Variants in SIGLEC10 observed in about 807,000 individuals in gnomAD.
SIGLEC10 encodes sialic acid-binding Ig-like lectin 10.
In SIGLEC10, 45 loss-of-function variants were observed where a neutral mutation model predicts 68.3. That is an observed-to-expected ratio of 0.66 (90% confidence interval 0.52 to 0.84). The LOEUF is 0.84. Ranked by LOEUF, SIGLEC10 falls within the 40% of genes least tolerant of loss-of-function variation. SIGLEC10 has a pLI of 0.00. For synonymous variants in SIGLEC10, 379 were observed against 370.8 expected, an observed-to-expected ratio of 1.02 and a Z score of -0.26; for missense variants, 789 against 883.1, an observed-to-expected ratio of 0.89 and a Z score of 1.35.
intron 3 of SIGLEC10, 52 bp from the exon 4 acceptor site, chr19:51,416,409 C>G: frequency 1.2e-6 from 2 of 1,613,732 alleles, no homozygotes; most frequent in Non-Finnish European, 8.5e-7. Flanking sequence ...ATTCCTCACA[C>G]CTGGAAAAAA....
chr19:51,415,840 AG>A (rs1988565455), intron 5 of SIGLEC10, 57 bp downstream of exon 5: 1 of 1,607,356 alleles, frequency 6.2e-7, no homozygotes, highest in African/African-American at 1.3e-5. Context: ...CCCTGAGCCC[AG>A]CCCCTGTATC....
rs369525312 is a variant in SIGLEC10, at chr19:51,416,233, G to A, written c.755-66C>T. 7.5e-4 allele frequency: 1,211 copies of A among 1,612,094 alleles called. 3 individuals are homozygous for A. In the Middle Eastern group the frequency reaches 9.1e-3, roughly 12 times the overall value. On this transcript the variant is annotated intron_variant, in intron 4 of 10. Transcript: ENST00000339313. ...AGAAAGAGAGAAGGGGTACAGGGAGGAGCACATCCCCTCATCCCCTGAAGC... is the reference window on the plus strand; with the variant it reads ...AGAAAGAGAGAAGGGGTACAGGGAGAAGCACATCCCCTCATCCCCTGAAGC...
In SIGLEC10 at chr19:51,414,111, A is replaced by C. The variant is rs60673310; in HGVS notation, c.1710-288T>G. On this transcript the variant is annotated intron_variant, in intron 9 of 10. Coordinates refer to ENST00000339313, the MANE Select transcript of SIGLEC10 (RefSeq NM_033130.5). This position sits in a 1 kb window ranked among gnomAD's most constrained non-coding sequence, Gnocchi z 4.1. The stretch of plus-strand genomic sequence containing the variant: ...TGTATTTATTGGGTAGAAAGAGCAG[A>C]GAGCAGGAGGTAACAATTGGTCAGC... 7.2e-5 allele frequency among the ~76,000 whole-genome samples: 11 copies of C among 152,122 alleles called. No homozygotes were observed. Among genetic ancestry groups the C allele is most frequent in the African/African-American group, 2.7e-4 (11 of 41,368 alleles).
Position 51,411,316 on chromosome 19 carries a change from G to C in SIGLEC10, c.1877C>G (p.Pro626Arg). ...TPNSPRTPLPPGAPSPESKKN... is the reference protein window; with the variant it reads ...TPNSPRTPLPRGAPSPESKKN... ...CTTTGATTCTGGGGAGGGAGCACCT[G>C]GTGGAAGAGGGGTCCGAGGACTGTT... The change falls in exon 11 of 11, where the codon CCA becomes CGA. Residue 626 changes from proline (P) to arginine (R), a missense_variant. Coordinates refer to ENST00000339313, the MANE Select transcript of SIGLEC10 (RefSeq NM_033130.5). The C allele has an allele frequency of 6.2e-7, 1 of 1,614,166 alleles. No homozygotes were observed. Among genetic ancestry groups the C allele is most frequent in the South Asian group, 1.1e-5 (1 of 91,082 alleles).
rs537109799 is a variant in SIGLEC10, at chr19:51,414,880, C to T, written c.1559G>A (p.Arg520His). ...HGGLSSGLRL[R>H]CEAWNVHGAQ... is the part of the protein sequence containing the mutation. ...CCCATGGACGTTCCAGGCCTCACAG[C>T]GGAGCCTGAGGCCGGAGCTGAGCCC... The change falls in exon 8 of 11, where the codon CGC becomes CAC. Residue 520 changes from arginine (R) to histidine (H), a missense_variant. Transcript: ENST00000339313. This position sits in a 1 kb window ranked among gnomAD's most constrained non-coding sequence, Gnocchi z 4.1. 8 of 1,614,114 alleles carry T rather than the reference C, an allele frequency of 5.0e-6. No homozygotes were observed. The highest frequency in any genetic ancestry group is 4.4e-5 in the South Asian group (4 of 91,080).
In SIGLEC10 at chr19:51,415,964, G is replaced by A. The variant is rs755613587; in HGVS notation, c.958C>T (p.Arg320Cys). ...CTGTTCTCCGCTCGGCAGGTGTAGCGCCCTGAATCCCCAGCCTTCACCCCG... is the reference window on the plus strand; with the variant it reads ...CTGTTCTCCGCTCGGCAGGTGTAGCACCCTGAATCCCCAGCCTTCACCCCG... ...LPGVKAGDSG[R>C]YTCRAENRLG... is the part of the protein sequence containing the mutation. Residue 320 changes from arginine to cysteine, a missense_variant, in exon 5 of 11, where the codon CGC (arginine) becomes TGC (cysteine). Arg to Cys is a radical substitution (Grantham distance 180). Coordinates refer to ENST00000339313, the MANE Select transcript of SIGLEC10 (RefSeq NM_033130.5). The A allele has an allele frequency of 1.7e-5, 28 of 1,613,600 alleles. No homozygotes were observed. The highest frequency in any genetic ancestry group is 2.2e-5 in the Non-Finnish European group (26 of 1,179,978).
At chr19:51,416,568 G>C in intron 3 of SIGLEC10, 98 bp downstream of exon 3, 1 of 1,582,742 alleles carries the variant, frequency 6.3e-7, no homozygotes, top group Non-Finnish European at 8.6e-7. Context: ...CTCCCTGGAT[G>C]CTCCTGAGCT....
At position 51,411,195 on chromosome 19, in the gene SIGLEC10, A is replaced by G. The variant is rs1987971272; in HGVS notation, c.1998T>C (p.His666=). The change falls in exon 11 of 11, where the codon CAT becomes CAC. Residue 666 remains histidine (H), a synonymous_variant. Coordinates refer to ENST00000339313, the MANE Select transcript of SIGLEC10 (RefSeq NM_033130.5). The part of the protein sequence containing the change: ...PESQESQEEL[H]YATLNFPGVR... ...CGCCTGGGAAGTTGAGCGTGGCATA[A>G]TGGAGCTCCTCTTGGCTCTCCTGGG... 1 of 1,614,180 alleles carries G rather than the reference A, an allele frequency of 6.2e-7. No individual in the cohort carries two copies. Among genetic ancestry groups the G allele is most frequent in the African/African-American group, 1.3e-5 (1 of 75,044 alleles).
chr19:51,417,446 C>A lies in SIGLEC10; in HGVS notation c.57G>T (p.Gly19=), dbSNP rs770856967. Reference sequence around the variant, plus strand: ...ACTCCTGCACTCGTATCCAGAATCTCCCATCCATAGCCTGGGACCCTGTGG... The same window carrying A: ...ACTCCTGCACTCGTATCCAGAATCTACCATCCATAGCCTGGGACCCTGTGG... ...SLLGGSQAMD[G]RFWIRVQESV... The change falls in exon 2 of 11, where the codon GGG becomes GGT. Residue 19 remains glycine, a synonymous_variant. Coordinates refer to ENST00000339313, the MANE Select transcript of SIGLEC10 (RefSeq NM_033130.5). The A allele has an allele frequency of 6.2e-7, 1 of 1,613,692 alleles. No individual in the cohort carries two copies. The highest frequency in any genetic ancestry group is 1.3e-5 in the African/African-American group (1 of 74,944).
At position 51,411,257 on chromosome 19, in the gene SIGLEC10, A is replaced by G. The variant is rs764903482; in HGVS notation, c.1936T>C (p.Phe646Leu). 2 of 1,614,156 alleles carry G rather than the reference A, an allele frequency of 1.2e-6. No homozygotes were observed. Among genetic ancestry groups the G allele is most frequent in the East Asian group, 4.5e-5 (2 of 44,864 alleles). ...TGAGTGGATGATTTGGGTTCTGGGAAACTGGGCAACTGATACTGCTTTTTC... is the reference window on the plus strand; with the variant it reads ...TGAGTGGATGATTTGGGTTCTGGGAGACTGGGCAACTGATACTGCTTTTTC... The part of the protein sequence containing the change: ...NQKKQYQLPS[F>L]PEPKSSTQAP... The change falls in exon 11 of 11, where the codon TTC becomes CTC. Residue 646 changes from phenylalanine (F) to leucine (L), a missense_variant. Coordinates refer to ENST00000339313, the MANE Select transcript of SIGLEC10 (RefSeq NM_033130.5).
At chr19:51,416,378 G>C (rs1988657091) in intron 3 of SIGLEC10, 21 bp from the exon 4 acceptor site, 1 of 1,614,128 alleles carries the variant, frequency 6.2e-7, no homozygotes, top group East Asian at 2.2e-5. Flanking sequence ...ATTGTGAGCT[G>C]GCTTCAGGGA....
Position 51,414,411 on chromosome 19 carries a change from T to C in SIGLEC10, c.1709+11A>G. On this transcript the variant is annotated intron_variant, in intron 9 of 10. Coordinates refer to ENST00000339313, the MANE Select transcript of SIGLEC10 (RefSeq NM_033130.5). The surrounding 1 kb of genome is among the most constrained non-coding windows in gnomAD (Gnocchi z 4.1). The stretch of plus-strand genomic sequence containing the variant: ...AGGCCCCAGACCCCGCCACGCCTCC[T>C]CTTAACCTACATGATCAGGGCCAGG... 2 of 1,611,726 alleles carry C rather than the reference T, an allele frequency of 1.2e-6. No homozygotes were observed. The highest frequency in any genetic ancestry group is 1.7e-6 in the Non-Finnish European group (2 of 1,179,042).
At position 51,415,233 on chromosome 19, in the gene SIGLEC10, G is replaced by A. The variant is rs536361935; in HGVS notation, c.1278C>T (p.His426=). 9.3e-6 allele frequency: 15 copies of A among 1,613,736 alleles called. No homozygotes were observed. Among genetic ancestry groups the A allele is most frequent in the South Asian group, 4.4e-5 (4 of 91,054 alleles). The change falls in exon 7 of 11, where the codon CAC becomes CAT. Residue 426 remains histidine (H), a synonymous_variant. Coordinates refer to ENST00000339313, the MANE Select transcript of SIGLEC10 (RefSeq NM_033130.5). ...GCTGGGAGCCCAGTGGGTGCCGAGC[G>A]TGGCAGGTGAACTCTCCTTCGTGCT... ...QVEHEGEFTC[H]ARHPLGSQHV...
rs61741677 is a variant in SIGLEC10, at chr19:51,416,744, T to C, written c.628A>G (p.Asn210Asp). 186,583 of 1,613,674 alleles carry C rather than the reference T, an allele frequency of 0.12. 11,657 individuals carry two copies. The highest frequency in any genetic ancestry group is 0.13 in the South Asian group (11,893 of 91,056). The change falls in exon 3 of 11, where the codon AAC becomes GAC. Residue 210 changes from asparagine to aspartate, a missense_variant. Coordinates refer to ENST00000339313, the MANE Select transcript of SIGLEC10 (RefSeq NM_033130.5). ...TCCACATGGCAGGTGAGGTCGGTGT[T>C]GTGGTCCTGGGGTCTGGGCGTGAAG... is the stretch of plus-strand genomic sequence containing the variant. ...LSFTPRPQDHNTDLTCHVDFS... is the reference protein window; with the variant it reads ...LSFTPRPQDHDTDLTCHVDFS...
Position 51,412,676 on chromosome 19 carries a change from A to G in SIGLEC10, c.1821+1036T>C, listed in dbSNP as rs368102888. Among the ~76,000 whole-genome samples, 12 of 152,054 alleles carry G rather than the reference A, an allele frequency of 7.9e-5. No homozygotes were observed. In the East Asian group the frequency reaches 2.3e-3, roughly 29 times the overall value. On this transcript the variant is annotated intron_variant, in intron 10 of 10. Coordinates refer to ENST00000339313, the MANE Select transcript of SIGLEC10 (RefSeq NM_033130.5). ...TGTTTAGTAGAGATGGGGTTTCACC[A>G]TGTTGAACACGCTGCTCTTAAAATT...
In SIGLEC10 at chr19:51,414,330, C is replaced by T. The variant is rs1464783589; in HGVS notation, c.1709+92G>A. 1.9e-6 allele frequency: 2 copies of T among 1,027,206 alleles called. No homozygotes were observed. Among genetic ancestry groups the T allele is most frequent in the South Asian group, 1.3e-5 (1 of 74,278 alleles). The allele number at this position is 1,027,206 out of a possible 1,614,324, so 63.6% of individuals were successfully genotyped here. A position where few individuals can be genotyped will look rare whatever the true frequency, so the allele number is the denominator to read the frequency against. The stretch of plus-strand genomic sequence containing the variant: ...TCATGTAACCTCCAGAGGTATACTG[C>T]GTTGATCACGACCTTCACTCTTTCG... On this transcript the variant is annotated intron_variant, in intron 9 of 10. Coordinates refer to ENST00000339313, the MANE Select transcript of SIGLEC10 (RefSeq NM_033130.5). The surrounding 1 kb of genome is among the most constrained non-coding windows in gnomAD (Gnocchi z 4.1).
At position 51,414,826 on chromosome 19, in the gene SIGLEC10, G is replaced by A. The variant is rs1369594746; in HGVS notation, c.1613C>T (p.Pro538Leu). ...GAQSGSILQLPDKKGLISTAF... is the reference protein window; with the variant it reads ...GAQSGSILQLLDKKGLISTAF... ...TGGCATCCAGGCGGCCCCCTAACCT[G>A]GCAGCTGCAGGATGGATCCACTCTG... The change falls in exon 8 of 11, where the codon CCA becomes CTA. Residue 538 changes from proline (P) to leucine (L), a missense_variant and splice_region_variant. Physicochemically the swap from Pro to Leu is moderately conservative, Grantham distance 98 (BLOSUM62 -3). Coordinates refer to ENST00000339313, the MANE Select transcript of SIGLEC10 (RefSeq NM_033130.5). The surrounding 1 kb of genome is among the most constrained non-coding windows in gnomAD (Gnocchi z 4.1). The A allele has an allele frequency of 3.7e-6, 6 of 1,612,844 alleles. No homozygotes were observed. Among genetic ancestry groups the A allele is most frequent in the Non-Finnish European group, 5.1e-6 (6 of 1,179,662 alleles).
Position 51,417,253 on chromosome 19 carries a change from T to G in SIGLEC10, c.250A>C (p.Met84Leu), listed in dbSNP as rs1308905345. 1 of 1,614,100 alleles carries G rather than the reference T, an allele frequency of 6.2e-7. No individual in the cohort carries two copies. The highest frequency in any genetic ancestry group is 8.5e-7 in the Non-Finnish European group (1 of 1,180,030). The change falls in exon 2 of 11, where the codon ATG becomes CTG. Residue 84 changes from methionine to leucine, a missense_variant. Physicochemically the swap from Met to Leu is conservative, Grantham distance 15. Transcript: ENST00000339313. Reference protein sequence around the residue: ...ATNHQSREVEMSTRGRFQLTG... With the variant: ...ATNHQSREVELSTRGRFQLTG... ...AGCTGGAATCGGCCCCGGGTGCTCA[T>G]TTCCACCTCTCGACTCTGGTGGTTT...
intron 10 of SIGLEC10, 104 bp from the exon 11 acceptor site, chr19:51,411,475 G>A: frequency 1.4e-6 from 2 of 1,427,650 alleles, no homozygotes; most frequent in East Asian, 4.7e-5. Context: ...CTAAGTCCCT[G>A]CCCTTGCCTT....
Sources: gnomAD v4.1 joint callset for allele counts (sites outside exome capture counted in the v4.1 genomes callset) on GRCh38, gnomAD v4.1.1 for gene constraint, Gnocchi (gnomAD v3.1) non-coding constraint, MANE v1.5 for transcripts, NCBI Gene and HGNC (gene_info 2026-07-23, HGNC 2026-07-21) for gene names.